The following DENND1B variants were observed in gnomAD, a reference collection of about 807,000 sequenced individuals.
The protein encoded by DENND1B is DENN domain-containing protein 1B.
A neutral mutation model predicts 90.1 loss-of-function variants in DENND1B; 59 were observed. The observed-to-expected ratio is 0.65, with a 90% CI of 0.53 to 0.81. The LOEUF (loss-of-function observed/expected upper bound fraction) is 0.81. Among genes scored for constraint, DENND1B ranks in the 40% least tolerant of loss-of-function variants. The pLI, the probability that DENND1B is intolerant of heterozygous loss-of-function variation, is 0.00. For synonymous variants in DENND1B, 337 were observed against 324.6 expected (o/e 1.04, Z -0.41); for missense variants, 862 against 912.6 (o/e 0.94, Z 0.71).
Position 197,510,450 on chromosome 1 carries a change from G to A in DENND1B, c.*10C>T, listed in dbSNP as rs1667942784. ...CTCAAAATGTCTCCATAGAAGCTTG[G>A]ATGCAAGATTTAAGTTTGGTTTCCA... On this transcript the variant is annotated 3_prime_UTR_variant, in exon 23 of 23. Coordinates refer to ENST00000620048, the MANE Select transcript of DENND1B (RefSeq NM_001195215.2). 6.3e-7 allele frequency: 1 copy of A among 1,590,928 alleles called. No homozygotes were observed. Among genetic ancestry groups the A allele is most frequent in the Non-Finnish European group, 8.6e-7 (1 of 1,168,098 alleles).
At chr1:197,680,551 A>C (rs2125998315) in intron 3 of DENND1B, among the ~76,000 whole-genome samples, 1 of 152,318 alleles carries the variant, frequency 6.6e-6, no homozygotes, top group Admixed American at 6.5e-5. Flanking sequence ...ATCGAGAGTA[A>C]AGGAAATACA....
intron 15 of DENND1B, among the ~76,000 whole-genome samples, chr1:197,577,577 G>A (rs1673798492): frequency 6.6e-6 from 1 of 152,066 alleles, no homozygotes; most frequent in South Asian, 2.1e-4. Flanking sequence ...AGTTCCAGGG[G>A]CCTTAATAAC....
chr1:197,658,656 A>G (rs1017478401), intron 5 of DENND1B, among the ~76,000 whole-genome samples: 10 of 151,618 alleles, frequency 6.6e-5, no homozygotes, highest in African/African-American at 2.4e-4. Flanking sequence ...AAAAGCATGC[A>G]TAAGATAAAA....
At chr1:197,520,597 T>A (rs1668704336) in intron 20 of DENND1B, among the ~76,000 whole-genome samples, 1 of 151,950 alleles carries the variant, frequency 6.6e-6, no homozygotes, top group Admixed American at 6.6e-5. Context: ...GGTGTAGCTA[T>A]CACATTAACA....
intron 15 of DENND1B, among the ~76,000 whole-genome samples, chr1:197,566,367 T>C (rs1571900885): frequency 6.6e-6 from 1 of 152,200 alleles, no homozygotes. Flanking sequence ...TTTGTTTGAG[T>C]TCATTGTAGA....
At chr1:197,602,887 T>C (rs1034003671) in intron 13 of DENND1B, among the ~76,000 whole-genome samples, 1 of 151,486 alleles carries the variant, frequency 6.6e-6, no homozygotes. Context: ...TTTTTGGTGA[T>C]TCAGAGCAAT....
At chr1:197,768,787 T>C (rs561799249) in intron 2 of DENND1B, among the ~76,000 whole-genome samples, 9 of 152,056 alleles carry the variant, frequency 5.9e-5, no homozygotes, top group Non-Finnish European at 8.8e-5. Flanking sequence ...TCTTATGGCA[T>C]TTTTTTAGAT....
chr1:197,679,826 T>C, intron 3 of DENND1B, among the ~76,000 whole-genome samples: 1 of 149,766 alleles, frequency 6.7e-6, no homozygotes, highest in African/African-American at 2.4e-5. Context: ...TTTTTTTTTT[T>C]TTCAAAAATT....
intron 3 of DENND1B, among the ~76,000 whole-genome samples, chr1:197,680,398 A>G (rs975708738): frequency 1.3e-5 from 2 of 152,220 alleles, no homozygotes; most frequent in Non-Finnish European, 2.9e-5. Flanking sequence ...ATACTAATGT[A>G]TTTTTAAATG....
chr1:197,721,531 A>C (rs1368647745), intron 2 of DENND1B, among the ~76,000 whole-genome samples: 1 of 43,368 alleles, frequency 2.3e-5, no homozygotes, highest in Non-Finnish European at 4.1e-5. Context: ...AAAGGACATA[A>C]ATTACACAAG....
In DENND1B at chr1:197,735,087, A is replaced by G. The variant is rs17567472; in HGVS notation, c.83-20013T>C. 7,147 of 970,464 alleles carry G rather than the reference A, an allele frequency of 7.4e-3. 30 individuals carry two copies. Among genetic ancestry groups the G allele is most frequent in the Non-Finnish European group, 8.4e-3 (6,819 of 816,212 alleles). The allele number at this position is 970,464 out of a possible 1,614,324, so 60.1% of individuals were successfully genotyped here. ...AATTTAAAAGAACATTTCATAAAAC[A>G]ATAATATGCAATTTTAAGAAAATAG... On this transcript the variant is annotated intron_variant, in intron 2 of 22. Coordinates refer to ENST00000620048, the MANE Select transcript of DENND1B (RefSeq NM_001195215.2).
At chr1:197,513,725 T>C (rs940990348) in intron 20 of DENND1B, among the ~76,000 whole-genome samples, 26 of 151,770 alleles carry the variant, frequency 1.7e-4, no homozygotes, top group African/African-American at 6.0e-4. Flanking sequence ...TTTCTCCCCA[T>C]ATTTTTTAGT....
intron 3 of DENND1B, among the ~76,000 whole-genome samples, chr1:197,683,919 G>A (rs1447566881): frequency 1.3e-5 from 2 of 152,132 alleles, no homozygotes; most frequent in African/African-American, 4.8e-5. Flanking sequence ...GTTACAGTTG[G>A]AAAGATCAGT....
intron 20 of DENND1B, among the ~76,000 whole-genome samples, chr1:197,517,175 A>T (rs1668459705): frequency 6.6e-6 from 1 of 151,874 alleles, no homozygotes. Context: ...GGATGTGCTT[A>T]CTGGGTGTTT....
intron 2 of DENND1B, chr1:197,747,061 G>A: frequency 1.3e-6 from 1 of 786,022 alleles, no homozygotes; most frequent in Non-Finnish European, 2.3e-6. Flanking sequence ...AAAATACTGA[G>A]TAAGCTCCTT....
intron 2 of DENND1B, among the ~76,000 whole-genome samples, chr1:197,723,572 A>C (rs1010636516): frequency 3.9e-5 from 6 of 152,228 alleles, no homozygotes; most frequent in African/African-American, 1.4e-4. Flanking sequence ...AATCATTAAA[A>C]GCCAACACAA....
intron 2 of DENND1B, chr1:197,735,414 G>GT (rs1479663905): frequency 1.5e-5 from 22 of 1,426,294 alleles, no homozygotes; most frequent in Middle Eastern, 4.6e-4. Context: ...AGAATTCACT[G>GT]TTAAAAAAAA....
chr1:197,777,323 T>A (rs946364045), upstream of DENND1B, among the ~76,000 whole-genome samples: 1 of 152,212 alleles, frequency 6.6e-6, no homozygotes. Flanking sequence ...TTGAACAGTA[T>A]AAAATTGTTC....
In DENND1B at chr1:197,510,507, G is replaced by C; in HGVS notation, c.2281C>G (p.Gln761Glu). ...TTTTTGTCTGAAATGTTCAAGCTTT[G>C]TTGGAAGTCAGATGTCATATGACAT... ...SLCHMTSDFQ[Q>E]SLNISDKNTN... is the part of the protein sequence containing the mutation. Residue 761 changes from glutamine (Q) to glutamate (E), a missense_variant, in exon 23 of 23, where the codon CAA becomes GAA. Gln to Glu is a conservative substitution (Grantham distance 29). Transcript: ENST00000620048. 1 of 1,611,328 alleles carries C rather than the reference G, an allele frequency of 6.2e-7. No individual in the cohort carries two copies.
Sources: allele counts gnomAD v4.1 joint callset (sites outside exome capture counted in the v4.1 genomes callset), GRCh38; gene constraint gnomAD v4.1.1; transcripts MANE v1.5; gene names NCBI Gene and HGNC (gene_info 2026-07-23, HGNC 2026-07-21).